The following ZMYND8 variants were observed in gnomAD, a reference collection of about 807,000 sequenced individuals.
ZMYND8 encodes the protein zinc finger MYND-type containing 8.
Under a neutral mutation model 140.8 loss-of-function variants are expected in ZMYND8, and 37 were observed. The ratio of observed to expected loss-of-function variants is 0.26; its 90% CI spans 0.20 to 0.35. The LOEUF is 0.35. ZMYND8 is among the 10% of genes least tolerant of loss of function. The pLI is 1.00. For missense variants in ZMYND8, 1,068 were observed against 1,570.0 expected (o/e 0.68, Z 5.40); for synonymous variants, 592 against 597.1 (o/e 0.99, Z 0.12).
chr20:47,329,465 C>T (rs1327989735), intron 2 of ZMYND8, among the ~76,000 whole-genome samples: 1 of 152,036 alleles, frequency 6.6e-6, no homozygotes, highest in Non-Finnish European at 1.5e-5. Flanking sequence ...AGTGCAATGG[C>T]GTGATCTCAG....
At chr20:47,216,955 G>A (rs2036218148) in intron 21 of ZMYND8, among the ~76,000 whole-genome samples, 1 of 152,248 alleles carries the variant, frequency 6.6e-6, no homozygotes, top group Non-Finnish European at 1.5e-5. Flanking sequence ...AGAGGAGTTT[G>A]TGTTCTTGTG....
At chr20:47,211,222 A>G (rs1472216547) in intron 22 of ZMYND8, among the ~76,000 whole-genome samples, 1 of 152,210 alleles carries the variant, frequency 6.6e-6, no homozygotes, top group Non-Finnish European at 1.5e-5. Flanking sequence ...TCCTTACTAC[A>G]TCACTGAACG....
At chr20:47,319,698 G>A (rs2079746356) in intron 2 of ZMYND8, 2 of 152,418 alleles carry the variant, frequency 1.3e-5, no homozygotes, top group South Asian at 2.1e-4. Context: ...ACAACTAGAG[G>A]CAATAGCAAC....
intron 7 of ZMYND8, 42 bp from the exon 8 acceptor site, chr20:47,287,326 C>T (rs370052642): frequency 5.4e-4 from 823 of 1,525,098 alleles, no homozygotes; most frequent in South Asian, 1.9e-3. Flanking sequence ...ATGGAAATAC[C>T]GCAACACCGG....
chr20:47,211,565 TGAA>T (rs1167651045), intron 22 of ZMYND8, among the ~76,000 whole-genome samples: 1 of 151,968 alleles, frequency 6.6e-6, no homozygotes, highest in African/African-American at 2.4e-5. Context: ...AAGAAATAAG[TGAA>T]GAAGCTGAAG....
chr20:47,328,393 T>C (rs1255224653), intron 2 of ZMYND8, among the ~76,000 whole-genome samples: 2 of 152,174 alleles, frequency 1.3e-5, no homozygotes, highest in Non-Finnish European at 2.9e-5. Flanking sequence ...TGGCTTGTTG[T>C]CAAGGAGATA....
intron 1 of ZMYND8, among the ~76,000 whole-genome samples, chr20:47,355,935 ACT>A (rs1221312046): frequency 6.6e-6 from 1 of 151,566 alleles, no homozygotes; most frequent in African/African-American, 2.4e-5. Flanking sequence ...CTTGCAGAAC[ACT>A]CTGTAGCAAC....
In ZMYND8 at chr20:47,220,132, C is replaced by CCG. The variant is rs1276244451; in HGVS notation, c.3484+125_3484+126insCG. On this transcript the variant is annotated intron_variant, in intron 21 of 22. Coordinates refer to ENST00000471951, the MANE Select transcript of ZMYND8 (RefSeq NM_001281775.3). ...ACCCCCACTGACCCACCCCAGGCAC[C>CCG]CCTAAGGATCCATAATCGTTTGGAA... 3 of 847,208 alleles carry CCG rather than the reference C, an allele frequency of 3.5e-6. No homozygotes were observed. In the African/African-American group the frequency reaches 5.2e-5, roughly 15 times the overall value. 52.5% of individuals were successfully genotyped at this position (847,208 alleles called of 1,614,324 possible).
At chr20:47,300,255 C>T (rs189385089) in intron 3 of ZMYND8, among the ~76,000 whole-genome samples, 1 of 152,284 alleles carries the variant, frequency 6.6e-6, no homozygotes, top group East Asian at 1.9e-4. Context: ...AGCTATGTGA[C>T]CTTAAGAAAG....
chr20:47,291,966 T>A, intron 5 of ZMYND8, 78 bp from the exon 6 acceptor site: 1 of 1,278,040 alleles, frequency 7.8e-7, no homozygotes, highest in Non-Finnish European at 1.1e-6. Context: ...ACAAAAGGCT[T>A]GAAAAATTGA....
intron 21 of ZMYND8, among the ~76,000 whole-genome samples, chr20:47,213,933 T>C (rs572027240): frequency 6.6e-6 from 1 of 152,314 alleles, no homozygotes; most frequent in East Asian, 1.9e-4. Context: ...AGTTTTCCCC[T>C]GCACTATTTT....
intron 5 of ZMYND8, among the ~76,000 whole-genome samples, chr20:47,294,138 A>G (rs909103016): frequency 6.6e-6 from 1 of 152,012 alleles, no homozygotes; most frequent in Non-Finnish European, 1.5e-5. Flanking sequence ...ACTTGAGGTC[A>G]GGAGTTTGAG....
chr20:47,300,884 T>TTGTGTGTGTGTG (rs200833449), intron 3 of ZMYND8, among the ~76,000 whole-genome samples: 39 of 130,378 alleles, frequency 3.0e-4, no homozygotes, highest in African/African-American at 7.0e-4. Context: ...ACAACTAATT[T>TTGTGTGTGTGTG]TGTGTGTGTG....
chr20:47,268,942 T>G (rs1325406182), intron 11 of ZMYND8, among the ~76,000 whole-genome samples: 1 of 152,100 alleles, frequency 6.6e-6, no homozygotes, highest in Non-Finnish European at 1.5e-5. Flanking sequence ...GGCTCACACC[T>G]GTAATCCCAG....
At chr20:47,333,199 T>TGA (rs556911828) in intron 2 of ZMYND8, among the ~76,000 whole-genome samples, 141 of 151,270 alleles carry the variant, frequency 9.3e-4, no homozygotes, top group African/African-American at 3.0e-3. Flanking sequence ...CATATATATA[T>TGA]GAGAGAGAGA....
chr20:47,318,507 GAAGT>G (rs1160796067), intron 2 of ZMYND8: 1 of 355,546 alleles, frequency 2.8e-6, no homozygotes, highest in African/African-American at 2.1e-5. Flanking sequence ...GCAGAGCATA[GAAGT>G]AAGAAATCAG....
At chr20:47,355,576 A>AC (rs1464746507) in intron 1 of ZMYND8, 33 of 769,804 alleles carry the variant, frequency 4.3e-5, no homozygotes, top group Non-Finnish European at 4.6e-5. Flanking sequence ...AAAAACACAC[A>AC]CAACAACAAC....
chr20:47,352,560 C>G, intron 1 of ZMYND8: 1 of 985,174 alleles, frequency 1.0e-6, no homozygotes, highest in Non-Finnish European at 1.2e-6. Context: ...AGAGGCCGAA[C>G]TAACAGCCTG....
At chr20:47,217,608 G>A (rs535909384) in intron 21 of ZMYND8, among the ~76,000 whole-genome samples, 48 of 135,342 alleles carry the variant, frequency 3.5e-4, no homozygotes, top group African/African-American at 1.2e-3. Context: ...GCATGAGTCT[G>A]GAGAGATCTG....
Sources: allele counts gnomAD v4.1 joint callset (sites outside exome capture counted in the v4.1 genomes callset), GRCh38; gene constraint gnomAD v4.1.1; transcripts MANE v1.5; gene names NCBI Gene and HGNC (gene_info 2026-07-23, HGNC 2026-07-21).